Variants in SLC4A10 observed in about 807,000 individuals in gnomAD.
SLC4A10 encodes the protein sodium-driven chloride bicarbonate exchanger.
A neutral mutation model predicts 137.7 loss-of-function variants in SLC4A10; 42 were observed. That is an observed-to-expected ratio of 0.30 (90% CI 0.24 to 0.39). SLC4A10 has a LOEUF of 0.39. Among genes scored for constraint, SLC4A10 ranks in the 10% least tolerant of loss-of-function variants. The probability of loss-of-function intolerance (pLI) is 1.00; values close to 1 mark genes in which losing one functional copy is unlikely to be tolerated. For missense variants in SLC4A10, 925 were observed against 1,355.0 expected (o/e 0.68, Z 4.98); for synonymous variants, 474 against 464.1 (o/e 1.02, Z -0.27).
chr2:161,766,185 A>G (rs899124547), intron 1 of SLC4A10, among the ~76,000 whole-genome samples: 3 of 152,132 alleles, frequency 2.0e-5, no homozygotes, highest in Non-Finnish European at 4.4e-5. Context: ...TTTCAAATAA[A>G]CATTACAATT....
intron 15 of SLC4A10, among the ~76,000 whole-genome samples, chr2:161,940,068 C>A (rs1232873834): frequency 6.6e-6 from 1 of 152,094 alleles, no homozygotes; most frequent in Non-Finnish European, 1.5e-5. Flanking sequence ...TGAAAAGTCT[C>A]TGGAAATTTT....
At chr2:161,857,308 G>A (rs1284848916) in intron 5 of SLC4A10, among the ~76,000 whole-genome samples, 2 of 152,074 alleles carry the variant, frequency 1.3e-5, no homozygotes, top group East Asian at 3.9e-4. Flanking sequence ...ACCCTAAATA[G>A]CTTTTTAGTA....
chr2:161,717,819 AGAG>A (rs1170199018), intron 1 of SLC4A10, among the ~76,000 whole-genome samples: 3 of 152,136 alleles, frequency 2.0e-5, no homozygotes, highest in Admixed American at 2.0e-4. Context: ...AATGGTTTAC[AGAG>A]GAGTCCCTCC....
chr2:161,657,636 C>A (rs1207775739), intron 1 of SLC4A10, among the ~76,000 whole-genome samples: 2 of 151,758 alleles, frequency 1.3e-5, no homozygotes, highest in Non-Finnish European at 2.9e-5. Flanking sequence ...TTATATGATA[C>A]AATGATGGGT....
Position 161,942,904 on chromosome 2 carries a change from A to G in SLC4A10, c.2103+7A>G. Reference sequence around the variant, plus strand: ...GGAGAACCTAACTGTGTCAGTAAGTAAAACACTGAAAAATAAGTCATACCT... The same window carrying G: ...GGAGAACCTAACTGTGTCAGTAAGTGAAACACTGAAAAATAAGTCATACCT... On this transcript the variant is annotated splice_region_variant and intron_variant, in intron 16 of 26. Coordinates refer to ENST00000446997, the MANE Select transcript of SLC4A10 (RefSeq NM_001178015.2). 1.3e-6 allele frequency: 2 copies of G among 1,565,160 alleles called. No homozygotes were observed. The highest frequency in any genetic ancestry group is 2.3e-5 in the East Asian group (1 of 43,186).
intron 1 of SLC4A10, among the ~76,000 whole-genome samples, chr2:161,640,598 T>TTCCC (rs1186405348): frequency 6.6e-5 from 6 of 90,482 alleles, no homozygotes; most frequent in Admixed American, 3.3e-4. Flanking sequence ...CTTTCTTTCC[T>TTCCC]TCCTTCCTTC....
chr2:161,919,299 C>T (rs1020529133), intron 15 of SLC4A10, among the ~76,000 whole-genome samples: 2 of 152,132 alleles, frequency 1.3e-5, no homozygotes, highest in Non-Finnish European at 2.9e-5. Flanking sequence ...AGACAGGCTC[C>T]TGGGCACAAA....
At chr2:161,687,989 C>G (rs79874849) in intron 1 of SLC4A10, among the ~76,000 whole-genome samples, 19 of 152,296 alleles carry the variant, frequency 1.2e-4, no homozygotes, top group African/African-American at 4.6e-4. Context: ...ATACAAATAT[C>G]TACACATTAA....
At chr2:161,892,489 A>G (rs929257917) in intron 10 of SLC4A10, among the ~76,000 whole-genome samples, 1 of 152,106 alleles carries the variant, frequency 6.6e-6, no homozygotes, top group Non-Finnish European at 1.5e-5. Context: ...TATCCTAAGC[A>G]AAGTCTGTTT....
At chr2:161,896,605 A>G (rs1400957469) in intron 11 of SLC4A10, among the ~76,000 whole-genome samples, 2 of 152,056 alleles carry the variant, frequency 1.3e-5, no homozygotes, top group East Asian at 3.9e-4. Flanking sequence ...CTTCAAGGAG[A>G]ACTACAAACC....
At chr2:161,706,865 G>A (rs1031996233) in intron 1 of SLC4A10, among the ~76,000 whole-genome samples, 2 of 151,472 alleles carry the variant, frequency 1.3e-5, no homozygotes, top group Non-Finnish European at 3.0e-5. Context: ...GCCTTGCTAC[G>A]GCTTTCATGT....
intron 3 of SLC4A10, among the ~76,000 whole-genome samples, chr2:161,805,786 G>A (rs1490997130): frequency 6.6e-6 from 1 of 152,190 alleles, no homozygotes; most frequent in Non-Finnish European, 1.5e-5. Context: ...TGAGTGTCTT[G>A]TTGCTTTTCC....
chr2:161,854,390 A>G (rs1171509309), intron 4 of SLC4A10, among the ~76,000 whole-genome samples: 1 of 152,138 alleles, frequency 6.6e-6, no homozygotes, highest in Non-Finnish European at 1.5e-5. Flanking sequence ...TGGCAGAAAC[A>G]CCCAGGGATG....
intron 23 of SLC4A10, among the ~76,000 whole-genome samples, chr2:161,970,824 G>A (rs6741707): frequency 6.6e-6 from 1 of 152,200 alleles, no homozygotes; most frequent in Middle Eastern, 3.4e-3. Context: ...GATGTAATTC[G>A]ATATATAACA....
chr2:161,761,427 A>T (rs1209976099), intron 1 of SLC4A10, among the ~76,000 whole-genome samples: 1 of 151,992 alleles, frequency 6.6e-6, no homozygotes, highest in South Asian at 2.1e-4. Flanking sequence ...CATGGCATGG[A>T]CAGGAATATC....
At chr2:161,886,370 G>A (rs188679696) in intron 10 of SLC4A10, among the ~76,000 whole-genome samples, 1 of 152,120 alleles carries the variant, frequency 6.6e-6, no homozygotes, top group East Asian at 1.9e-4. Context: ...ACTTAGAACA[G>A]TATGTACTTT....
chr2:161,639,263 C>G (rs2034932888), intron 1 of SLC4A10, among the ~76,000 whole-genome samples: 1 of 151,980 alleles, frequency 6.6e-6, no homozygotes, highest in Non-Finnish European at 1.5e-5. Flanking sequence ...GAAATTTTTC[C>G]AAACTCATTT....
At chr2:161,646,963 C>T (rs1391392146) in intron 1 of SLC4A10, among the ~76,000 whole-genome samples, 1 of 151,872 alleles carries the variant, frequency 6.6e-6, no homozygotes, top group African/African-American at 2.4e-5. Flanking sequence ...CTAACTTTTC[C>T]TCATTTATTC....
At chr2:161,954,869 C>T (rs1695383803) in intron 19 of SLC4A10, among the ~76,000 whole-genome samples, 1 of 152,162 alleles carries the variant, frequency 6.6e-6, no homozygotes, top group Non-Finnish European at 1.5e-5. Flanking sequence ...ATTTTTAAAA[C>T]ATTCAATAAG....
Sources: allele counts gnomAD v4.1 joint callset (sites outside exome capture counted in the v4.1 genomes callset), GRCh38; gene constraint gnomAD v4.1.1; transcripts MANE v1.5; gene names NCBI Gene and HGNC (gene_info 2026-07-23, HGNC 2026-07-21).